Variants in OAT observed in about 807,000 individuals in gnomAD.
OAT encodes the protein ornithine aminotransferase, also known as ornithine aminotransferase, mitochondrial.
Under a neutral mutation model 48.4 loss-of-function variants are expected in OAT, and 35 were observed. The ratio of observed to expected loss-of-function variants is 0.72; its 90% CI spans 0.55 to 0.96. The LOEUF (loss-of-function observed/expected upper bound fraction) is 0.96. Ranked by LOEUF, OAT falls within the 40% of genes least tolerant of loss-of-function variation. The pLI, the probability that OAT is intolerant of heterozygous loss-of-function variation, is 0.00. For synonymous variants in OAT, 182 were observed against 198.4 expected, an observed-to-expected ratio of 0.92 and a Z score of 0.70; for missense variants, 438 against 537.9, an observed-to-expected ratio of 0.81 and a Z score of 1.84.
At position 124,400,902 on chromosome 10, in the gene OAT, T is replaced by A; in HGVS notation, c.1097A>T (p.Asp366Val). 1.2e-6 allele frequency: 2 copies of A among 1,607,738 alleles called. No individual in the cohort carries two copies. Among genetic ancestry groups the A allele is most frequent in the Non-Finnish European group, 8.5e-7 (1 of 1,175,922 alleles). Residue 366 changes from aspartate (D) to valine (V), a missense_variant, in exon 9 of 10, where the codon GAT (aspartate) becomes GTT (valine). Asp to Val is a radical substitution (Grantham distance 152, BLOSUM62 -3). Transcript: ENST00000368845. ...TTTTCCTCTTACGGCAGTTACAACA[T>A]CAGAAGGTAGCTTCATGAGTTCATT... ...LRNELMKLPS[D>V]VVTAVRGKGL...
intron 9 of OAT, among the ~76,000 whole-genome samples, chr10:124,398,636 T>C (rs376110994): frequency 1.8e-4 from 26 of 146,596 alleles, no homozygotes; most frequent in African/African-American, 3.6e-4. Context: ...ATCATAGTTT[T>C]TCATAAATGA....
At chr10:124,409,490 G>T (rs7923453) in intron 2 of OAT, among the ~76,000 whole-genome samples, 41,941 of 151,838 alleles carry the variant, frequency 0.28, 5,913 homozygotes, top group Non-Finnish European at 0.3. Flanking sequence ...GGTAGAGGAT[G>T]CAGTGAGTTG....
At chr10:124,399,335 A>ATTTTTTTTTTTTTTTTTTTTT (rs1427092729) in intron 9 of OAT, among the ~76,000 whole-genome samples, 1 of 100,376 alleles carries the variant, frequency 1.0e-5, no homozygotes. Flanking sequence ...TCCCCAGGTG[A>ATTTTTTTTTTTTTTTTTTTTT]TTCTTTTTTT....
chr10:124,399,812 A>G (rs552398344), intron 9 of OAT, among the ~76,000 whole-genome samples: 23 of 152,094 alleles, frequency 1.5e-4, no homozygotes, highest in African/African-American at 3.6e-4. Flanking sequence ...TTTATTATTG[A>G]CCCCATAACT....
At chr10:124,403,727 G>A (rs1022517976) in intron 6 of OAT, 71 bp downstream of exon 6, 1 of 1,600,574 alleles carries the variant, frequency 6.2e-7, no homozygotes, top group Non-Finnish European at 8.6e-7. Context: ...AGTTGGGGAG[G>A]AGCCCATTCA....
chr10:124,403,126 T>C lies in OAT; in HGVS notation c.772-71A>G, dbSNP rs1449675925. ...CACAGGGAAAATAGCCATCCTTATT[T>C]CACTGTCCCCCCACCAACAATAAAT... On this transcript the variant is annotated intron_variant, in intron 6 of 9. Transcript: ENST00000368845. 3.9e-6 allele frequency: 6 copies of C among 1,529,958 alleles called. No homozygotes were observed. The Admixed American group carries it at 1.0e-4, about 26-fold the overall frequency. 94.8% of individuals were successfully genotyped at this position (1,529,958 alleles called of 1,614,324 possible).
intron 8 of OAT, 143 bp downstream of exon 8, chr10:124,401,583 T>A: frequency 1.5e-6 from 1 of 686,382 alleles, no homozygotes; most frequent in South Asian, 1.5e-5. Context: ...AATATCTTGT[T>A]CCTAAAATTT....
rs750535638 is a variant in OAT at position 124,400,886 on chromosome 10, T to TA, written c.1112dup (p.Arg372LysfsTer12). ...TAGCGTTTAATAATCCTTTTCCTCT[T>TA]ACGGCAGTTACAACATCAGAAGGTA... On this transcript the variant is annotated frameshift_variant, in exon 9 of 10. Transcript: ENST00000368845. LOFTEE classifies it high-confidence loss of function. 3 of 1,605,932 alleles carry TA rather than the reference T, an allele frequency of 1.9e-6. No homozygotes were observed. Among genetic ancestry groups the TA allele is most frequent in the Non-Finnish European group, 1.7e-6 (2 of 1,174,470 alleles).
At chr10:124,418,288 G>C (rs1274985982) in intron 1 of OAT, 1 of 152,334 alleles carries the variant, frequency 6.6e-6, no homozygotes, top group Admixed American at 6.5e-5. Context: ...GGAGCAGGCC[G>C]GGAGGACCCA....
chr10:124,412,813 A>G (rs535260055), intron 1 of OAT, among the ~76,000 whole-genome samples: 63 of 152,310 alleles, frequency 4.1e-4, no homozygotes, highest in African/African-American at 1.4e-3. Flanking sequence ...CAATAAGAGT[A>G]AGACTCTTTC....
Position 124,411,815 on chromosome 10 carries a change from C to CA in OAT, c.199+157dup, listed in dbSNP as rs60176788. 6.4e-4 allele frequency among the ~76,000 whole-genome samples: 69 copies of CA among 107,492 alleles called. 1 individual carries two copies. Among genetic ancestry groups the CA allele is most frequent in the Admixed American group, 2.2e-3 (23 of 10,272 alleles). 70.5% of individuals were successfully genotyped at this position (107,492 alleles called of 152,430 possible). A position where few individuals can be genotyped will look rare whatever the true frequency, so the allele number is the denominator to read the frequency against. Reference sequence around the variant, plus strand: ...TGGGTGACAGAGTGAGACTCCGTCTCAAAAAAAAAAAAAAAAAAAGAAGAA... The same window carrying CA: ...TGGGTGACAGAGTGAGACTCCGTCTCAAAAAAAAAAAAAAAAAAAAGAAGAA... On this transcript the variant is annotated intron_variant, in intron 2 of 9. Coordinates refer to ENST00000368845, the MANE Select transcript of OAT (RefSeq NM_000274.4).
Position 124,405,417 on chromosome 10 carries a change from T to C in OAT, c.648+19A>G. The C allele has an allele frequency of 6.2e-7, 1 of 1,613,216 alleles. No individual in the cohort carries two copies. On this transcript the variant is annotated intron_variant, in intron 5 of 9. Transcript: ENST00000368845. ...TTTCTATTCCCAATGAGCTGAGCAC[T>C]ATGATGCTAGTGAAATACCTCCAGT... is the stretch of plus-strand genomic sequence containing the variant.
intron 4 of OAT, chr10:124,406,845 A>T (rs376515221): frequency 2.0e-6 from 1 of 506,174 alleles, no homozygotes; most frequent in African/African-American, 2.1e-5. Context: ...TCATGATCAC[A>T]ACTGGCAAGA....
chr10:124,405,679 A>C, intron 4 of OAT, 116 bp from the exon 5 acceptor site: 1 of 1,545,406 alleles, frequency 6.5e-7, no homozygotes, highest in Non-Finnish European at 8.7e-7. Context: ...GGCTTGCTTT[A>C]GTGCACCTTC....
At position 124,403,808 on chromosome 10, in the gene OAT, G is replaced by A. The variant is rs1589702360; in HGVS notation, c.761C>T (p.Thr254Ile). ...GYLMGVRELC[T>I]RHQVLFIADE... ...AGCTAACGTGACAACCTGGTGCCTG[G>A]TGCAGAGCTCTCGCACTCCCATTAG... Residue 254 changes from threonine to isoleucine, a missense_variant, in exon 6 of 10, where the codon ACC becomes ATC. Physicochemically the swap from Thr to Ile is moderately conservative, Grantham distance 89 (BLOSUM62 -1). Transcript: ENST00000368845. The A allele has an allele frequency of 6.2e-7, 1 of 1,614,140 alleles. No individual in the cohort carries two copies. Among genetic ancestry groups the A allele is most frequent in the South Asian group, 1.1e-5 (1 of 91,080 alleles).
chr10:124,406,461 G>A (rs1334817103), intron 4 of OAT, among the ~76,000 whole-genome samples: 13 of 151,814 alleles, frequency 8.6e-5, no homozygotes, highest in Admixed American at 3.3e-4. Context: ...ACTGCATTCC[G>A]GCCTGGGTGA....
intron 5 of OAT, among the ~76,000 whole-genome samples, chr10:124,405,019 A>C (rs1951531542): frequency 6.6e-6 from 1 of 152,190 alleles, no homozygotes; most frequent in Non-Finnish European, 1.5e-5. Context: ...GCTCCAGCCT[A>C]GGTGACAGAG....
chr10:124,403,964 C>T (rs756948616), intron 5 of OAT, 44 bp from the exon 6 acceptor site: 4 of 1,612,046 alleles, frequency 2.5e-6, no homozygotes, highest in Non-Finnish European at 3.4e-6. Flanking sequence ...TCCTTTCTAC[C>T]ACACTTGGAA....
intron 4 of OAT, 136 bp downstream of exon 4, chr10:124,408,406 G>A: frequency 1.7e-6 from 1 of 582,738 alleles, no homozygotes; most frequent in Non-Finnish European, 3.1e-6. Flanking sequence ...GGCTGGTCTT[G>A]AACTCCAGGG....
Sources: gnomAD v4.1 joint callset for allele counts (sites outside exome capture counted in the v4.1 genomes callset) on GRCh38, gnomAD v4.1.1 for gene constraint, MANE v1.5 for transcripts, NCBI Gene and HGNC (gene_info 2026-07-23, HGNC 2026-07-21) for gene names.